Variants in PPFIA2 observed in about 807,000 individuals in gnomAD.
The protein encoded by PPFIA2 is liprin-alpha-2.
Under a neutral mutation model 175.5 loss-of-function variants are expected in PPFIA2, and 46 were observed. That is an observed-to-expected ratio of 0.26 (90% CI 0.21 to 0.34). PPFIA2 has a LOEUF of 0.34. Ranked by LOEUF, PPFIA2 falls within the 10% of genes least tolerant of loss-of-function variation. PPFIA2 has a pLI of 1.00. For missense variants in PPFIA2, 1,179 were observed against 1,506.1 expected, an observed-to-expected ratio of 0.78 and a Z score of 3.60; for synonymous variants, 568 against 511.4, an observed-to-expected ratio of 1.11 and a Z score of -1.49.
chr12:81,480,477 G>A (rs753538542), intron 4 of PPFIA2, among the ~76,000 whole-genome samples: 8 of 152,098 alleles, frequency 5.3e-5, no homozygotes, highest in Non-Finnish European at 1.0e-4. Context: ...TGATCCTTTG[G>A]AGGAGAAGAG....
intron 4 of PPFIA2, among the ~76,000 whole-genome samples, chr12:81,575,993 T>C (rs755829184): frequency 6.6e-6 from 1 of 151,678 alleles, no homozygotes. Flanking sequence ...AGTTAGCAAG[T>C]AGAAGGAAAG....
At chr12:81,706,824 T>C (rs1000059454) in intron 3 of PPFIA2, among the ~76,000 whole-genome samples, 4 of 152,050 alleles carry the variant, frequency 2.6e-5, no homozygotes, top group Non-Finnish European at 4.4e-5. Context: ...AAAACAGAGA[T>C]ACAGATCAAT....
Position 81,368,806 on chromosome 12 carries a change from A to G in PPFIA2, c.1401T>C (p.Asp467=). 6.2e-7 allele frequency: 1 copy of G among 1,610,854 alleles called. No homozygotes were observed. Among genetic ancestry groups the G allele is most frequent in the African/African-American group, 1.3e-5 (1 of 74,812 alleles). ...ATTCAGTCAGAAGTCTATCAACCGT[A>G]TCCGATAATCTCTTGTTATGCTCCT... is the stretch of plus-strand genomic sequence containing the variant. ...MNEEHNKRLS[D]TVDRLLTESN... Residue 467 remains aspartate (D), a synonymous_variant, in exon 13 of 33, where the codon GAT becomes GAC. Transcript: ENST00000549396.
chr12:81,456,708 T>A (rs564000145), intron 5 of PPFIA2, among the ~76,000 whole-genome samples: 1 of 152,306 alleles, frequency 6.6e-6, no homozygotes, highest in East Asian at 1.9e-4. Flanking sequence ...CCTCTATGGG[T>A]AATGTGGTAA....
At chr12:81,462,160 T>C (rs1338357972) in intron 4 of PPFIA2, among the ~76,000 whole-genome samples, 2 of 150,414 alleles carry the variant, frequency 1.3e-5, no homozygotes, top group Non-Finnish European at 3.0e-5. Context: ...ACAGATATAA[T>C]ATTCTTTTTT....
At chr12:81,618,822 G>A (rs1240789677) in intron 4 of PPFIA2, among the ~76,000 whole-genome samples, 1 of 149,984 alleles carries the variant, frequency 6.7e-6, no homozygotes, top group African/African-American at 2.5e-5. Flanking sequence ...GTGAGCCACC[G>A]CGCCCGGCCC....
At chr12:81,276,077 C>A (rs1309920334) in intron 28 of PPFIA2, among the ~76,000 whole-genome samples, 1 of 152,164 alleles carries the variant, frequency 6.6e-6, no homozygotes, top group Non-Finnish European at 1.5e-5. Context: ...AGCCACAGCA[C>A]CTGGCCTTTT....
In PPFIA2 at chr12:81,302,079, T is replaced by C. The variant is rs145285716; in HGVS notation, c.2643-2697A>G. ...GGTGCTAAATAAATACGTGTAAATG[T>C]TAAACAAAATGCCAATCAGTGTTTA... On this transcript the variant is annotated intron_variant, in intron 22 of 32. Transcript: ENST00000549396. 18 of 303,802 alleles carry C rather than the reference T, an allele frequency of 5.9e-5. No individual in the cohort carries two copies. The East Asian group carries it at 1.7e-3, about 29-fold the overall frequency. 18.8% of individuals were successfully genotyped at this position (303,802 alleles called of 1,614,324 possible). A position where few individuals can be genotyped will look rare whatever the true frequency, so the allele number is the denominator to read the frequency against.
chr12:81,389,521 T>C (rs1048285032), intron 8 of PPFIA2, among the ~76,000 whole-genome samples: 1 of 152,060 alleles, frequency 6.6e-6, no homozygotes, highest in Non-Finnish European at 1.5e-5. Flanking sequence ...CAATTTTTAT[T>C]CCATAGTGTT....
At chr12:81,549,066 T>C (rs955133500) in intron 4 of PPFIA2, among the ~76,000 whole-genome samples, 1 of 152,056 alleles carries the variant, frequency 6.6e-6, no homozygotes, top group African/African-American at 2.4e-5. Context: ...CTCTGAGCCA[T>C]AGCTTGCCTC....
intron 21 of PPFIA2, among the ~76,000 whole-genome samples, chr12:81,337,845 A>C (rs1921060): frequency 0.77 from 117,153 of 152,016 alleles, 46,441 homozygotes; most frequent in Non-Finnish European, 0.88. Context: ...ATAAGATAAA[A>C]CAAATTTTAA....
chr12:81,390,038 T>C (rs1595952777), intron 8 of PPFIA2, among the ~76,000 whole-genome samples: 1 of 152,096 alleles, frequency 6.6e-6, no homozygotes, highest in African/African-American at 2.4e-5. Context: ...TTGCTGAACA[T>C]GTGTTCTTTC....
At chr12:81,560,443 A>C (rs1023437542) in intron 4 of PPFIA2, among the ~76,000 whole-genome samples, 1 of 152,184 alleles carries the variant, frequency 6.6e-6, no homozygotes, top group Admixed American at 6.5e-5. Context: ...TTTTATAGAA[A>C]TACTAGCAGA....
intron 28 of PPFIA2, among the ~76,000 whole-genome samples, chr12:81,275,294 A>G (rs2040223617): frequency 1.3e-5 from 2 of 152,234 alleles, no homozygotes; most frequent in Non-Finnish European, 2.9e-5. Flanking sequence ...GCTTCGAAGT[A>G]ATGCATCAAA....
chr12:81,615,309 G>A (rs1483460005), intron 4 of PPFIA2, among the ~76,000 whole-genome samples: 1 of 152,168 alleles, frequency 6.6e-6, no homozygotes, highest in East Asian at 1.9e-4. Flanking sequence ...TGCACATGTT[G>A]AGTTTGAGGT....
intron 4 of PPFIA2, among the ~76,000 whole-genome samples, chr12:81,458,897 T>C (rs895523987): frequency 6.6e-6 from 1 of 152,124 alleles, no homozygotes; most frequent in Non-Finnish European, 1.5e-5. Flanking sequence ...CTTAGGTCCA[T>C]GCTGAGAAGT....
chr12:81,693,998 T>A (rs1004884664), intron 3 of PPFIA2, among the ~76,000 whole-genome samples: 1 of 152,088 alleles, frequency 6.6e-6, no homozygotes, highest in African/African-American at 2.4e-5. Flanking sequence ...CAAGATGTGG[T>A]CTGGCTACTT....
At chr12:81,447,687 G>T (rs2051565157) in intron 5 of PPFIA2, among the ~76,000 whole-genome samples, 1 of 152,250 alleles carries the variant, frequency 6.6e-6, no homozygotes, top group South Asian at 2.1e-4. Flanking sequence ...TGCAATAAAA[G>T]CTCCATGAGA....
chr12:81,477,958 T>C, intron 4 of PPFIA2, among the ~76,000 whole-genome samples: 1 of 152,098 alleles, frequency 6.6e-6, no homozygotes, highest in Non-Finnish European at 1.5e-5. Flanking sequence ...CTTTTTCTAT[T>C]GTTTGGAATA....
Sources: allele counts gnomAD v4.1 joint callset (sites outside exome capture counted in the v4.1 genomes callset), GRCh38; gene constraint gnomAD v4.1.1; transcripts MANE v1.5; gene names NCBI Gene and HGNC (gene_info 2026-07-23, HGNC 2026-07-21).